PPDPFL: variants seen among roughly 807,000 people sequenced by gnomAD.
PPDPFL encodes pancreatic progenitor cell differentiation and proliferation factor like.
PPDPFL carries 12 observed loss-of-function variants against 12.6 expected under a neutral mutation model. That is an observed-to-expected ratio of 0.95 (90% CI 0.61 to 1.54). PPDPFL has a LOEUF of 1.54. Among genes scored for constraint, PPDPFL ranks in the 40% most tolerant of loss-of-function variants. The pLI is 0.00. For missense variants in PPDPFL, 114 were observed against 96.0 expected, an observed-to-expected ratio of 1.19 and a Z score of -0.78; for synonymous variants, 24 against 32.7, an observed-to-expected ratio of 0.73 and a Z score of 0.91.
chr8:49,066,294 A>T (rs1008380238), intron 1 of PPDPFL, among the ~76,000 whole-genome samples: 1 of 152,208 alleles, frequency 6.6e-6, no homozygotes, highest in Non-Finnish European at 1.5e-5. Context: ...GCTAGAGCCA[A>T]TCGCCTGGCC....
At position 49,065,749 on chromosome 8, in the gene PPDPFL, G is replaced by C. The variant is rs111471369; in HGVS notation, c.-44-7038G>C. On this transcript the variant is annotated intron_variant, in intron 1 of 4. Transcript: ENST00000517663. ...GCCTGCTTAGCAGAGCAAAAGATTTGTGTTAGGATCAAGAACAATAAAACA... is the reference window on the plus strand; with the variant it reads ...GCCTGCTTAGCAGAGCAAAAGATTTCTGTTAGGATCAAGAACAATAAAACA... 2.5e-3 allele frequency among the ~76,000 whole-genome samples: 380 copies of C among 152,288 alleles called. 4 individuals are homozygous for C. Among genetic ancestry groups the C allele is most frequent in the African/African-American group, 8.7e-3 (363 of 41,566 alleles).
rs540372263 is a variant in PPDPFL, at chr8:49,056,850, G to C, written c.-45+2481G>C. Among the ~76,000 whole-genome samples the C allele has an allele frequency of 2.1e-4, 32 of 152,180 alleles. 1 individual carries two copies. The highest frequency in any genetic ancestry group is 7.2e-4 in the African/African-American group (30 of 41,530). On this transcript the variant is annotated intron_variant, in intron 1 of 4. Transcript: ENST00000517663. ...ATTTTTTAAGTCCACAAAATTCTTG[G>C]AAATAAAAATTGCAGTAGGGTGTGA...
intron 1 of PPDPFL, among the ~76,000 whole-genome samples, chr8:49,062,634 G>A (rs898301661): frequency 1.3e-5 from 2 of 152,134 alleles, no homozygotes; most frequent in Admixed American, 6.5e-5. Flanking sequence ...CCCCAAGAAG[G>A]GTCAGGCAGT....
intron 1 of PPDPFL, among the ~76,000 whole-genome samples, chr8:49,057,405 C>A (rs1028359011): frequency 2.0e-5 from 3 of 152,052 alleles, no homozygotes; most frequent in Admixed American, 2.0e-4. Context: ...TCAGTATATT[C>A]CCATTAGATA....
intron 1 of PPDPFL, among the ~76,000 whole-genome samples, chr8:49,056,324 G>A (rs1395895876): frequency 6.6e-6 from 1 of 152,112 alleles, no homozygotes; most frequent in African/African-American, 2.4e-5. Flanking sequence ...TATTATGTTT[G>A]AATTTGGTCC....
At chr8:49,074,835 A>G (rs1808463152) in intron 4 of PPDPFL, 1 of 1,406,468 alleles carries the variant, frequency 7.1e-7, no homozygotes, top group Non-Finnish European at 9.2e-7. Context: ...AATTTAATAT[A>G]TTTAAACTAC....
chr8:49,060,481 T>C (rs1808181876), intron 1 of PPDPFL, among the ~76,000 whole-genome samples: 1 of 152,002 alleles, frequency 6.6e-6, no homozygotes, highest in Non-Finnish European at 1.5e-5. Flanking sequence ...ACCTGGCTAA[T>C]TTTGTATTTT....
intron 1 of PPDPFL, among the ~76,000 whole-genome samples, chr8:49,059,318 A>G (rs1436635597): frequency 6.6e-6 from 1 of 152,148 alleles, no homozygotes; most frequent in Non-Finnish European, 1.5e-5. Context: ...TTAAAGAGGG[A>G]TAACGCTATA....
intron 1 of PPDPFL, 30 bp downstream of exon 1, chr8:49,072,512 A>C (rs1808409587): frequency 5.3e-6 from 1 of 187,740 alleles, no homozygotes; most frequent in African/African-American, 2.3e-5. Flanking sequence ...CTGAGTTAAC[A>C]CTTCTCTGAC....
intron 1 of PPDPFL, among the ~76,000 whole-genome samples, chr8:49,059,831 T>C (rs774992877): frequency 1.3e-5 from 2 of 152,236 alleles, no homozygotes; most frequent in Non-Finnish European, 2.9e-5. Flanking sequence ...TTTTCTGTAG[T>C]TTCTGGCAAC....
At chr8:49,066,421 T>C (rs1443678022) in intron 1 of PPDPFL, among the ~76,000 whole-genome samples, 1 of 152,216 alleles carries the variant, frequency 6.6e-6, no homozygotes, top group Non-Finnish European at 1.5e-5. Flanking sequence ...AGTGCTTCTC[T>C]GCTTAAATGT....
chr8:49,070,963 A>G (rs1346014767), upstream of PPDPFL, among the ~76,000 whole-genome samples: 1 of 152,138 alleles, frequency 6.6e-6, no homozygotes, highest in African/African-American at 2.4e-5. Flanking sequence ...ATCCTGCTGT[A>G]CATTAGATCT....
Position 49,075,050 on chromosome 8 carries a change from A to G in PPDPFL, c.234-102A>G, listed in dbSNP as rs1808468642. 1.1e-5 allele frequency: 17 copies of G among 1,503,836 alleles called. No individual in the cohort carries two copies. The South Asian group carries it at 1.9e-4, about 17-fold the overall frequency. 93.2% of individuals were successfully genotyped at this position (1,503,836 alleles called of 1,614,324 possible). On this transcript the variant is annotated intron_variant, in intron 4 of 4. Coordinates refer to ENST00000522267, the MANE Select transcript of PPDPFL (RefSeq NM_001256597.2). Reference sequence around the variant, plus strand: ...CAATGCAAGATTGATTGTTGGAAAGATGTTTTCTTGACACTCTTTATCAAG... The same window carrying G: ...CAATGCAAGATTGATTGTTGGAAAGGTGTTTTCTTGACACTCTTTATCAAG...
At chr8:49,069,794 G>T (rs568633770), upstream of PPDPFL, among the ~76,000 whole-genome samples, 8 of 152,276 alleles carry the variant, frequency 5.3e-5, no homozygotes, top group Non-Finnish European at 1.0e-4. Flanking sequence ...AATTAGTCGG[G>T]CATGGTAGTG....
intron 1 of PPDPFL, among the ~76,000 whole-genome samples, chr8:49,066,937 T>C (rs1808309623): frequency 6.6e-6 from 1 of 152,146 alleles, no homozygotes; most frequent in Non-Finnish European, 1.5e-5. Flanking sequence ...CAGGATCTTT[T>C]CTGGAGAATC....
At chr8:49,071,909 C>CT (rs935120792), upstream of PPDPFL, among the ~76,000 whole-genome samples, 12 of 152,164 alleles carry the variant, frequency 7.9e-5, no homozygotes, top group African/African-American at 2.9e-4. Flanking sequence ...TTTCTTGCTC[C>CT]GCTTTGACCG....
At chr8:49,063,608 C>T (rs985505047) in intron 1 of PPDPFL, among the ~76,000 whole-genome samples, 12 of 151,964 alleles carry the variant, frequency 7.9e-5, no homozygotes, top group Non-Finnish European at 1.6e-4. Flanking sequence ...TAGTCCCCTA[C>T]TTGTGAGGCT....
chr8:49,059,737 A>C (rs552657751), intron 1 of PPDPFL, among the ~76,000 whole-genome samples: 2 of 152,232 alleles, frequency 1.3e-5, no homozygotes, highest in South Asian at 4.1e-4. Flanking sequence ...CCTGTACTTA[A>C]CTATACAGAA....
upstream of PPDPFL, among the ~76,000 whole-genome samples, chr8:49,069,653 A>G (rs1200552388): frequency 2.0e-5 from 3 of 152,170 alleles, no homozygotes; most frequent in Non-Finnish European, 4.4e-5. Context: ...GCCCAAAGGA[A>G]TATAAATTGT....
Sources: allele counts gnomAD v4.1 joint callset (sites outside exome capture counted in the v4.1 genomes callset), GRCh38; gene constraint gnomAD v4.1.1; transcripts MANE v1.5; gene names NCBI Gene and HGNC (gene_info 2026-07-23, HGNC 2026-07-21).